The following KCNQ2 variants were observed in gnomAD, a reference collection of about 807,000 sequenced individuals.
The protein encoded by KCNQ2 is potassium voltage-gated channel subfamily Q member 2, also known as potassium voltage-gated channel subfamily KQT member 2.
KCNQ2 carries 14 observed loss-of-function variants against 84.8 expected under a neutral mutation model. The ratio of observed to expected loss-of-function variants is 0.17; its 90% CI spans 0.11 to 0.26. The LOEUF is 0.26. Among genes scored for constraint, KCNQ2 ranks in the 10% least tolerant of loss-of-function variants. The pLI, the probability that KCNQ2 is intolerant of heterozygous loss-of-function variation, is 1.00. For missense variants in KCNQ2, 788 were observed against 1,254.0 expected (o/e 0.63, Z 5.61); for synonymous variants, 599 against 554.1 (o/e 1.08, Z -1.14).
In KCNQ2 at chr20:63,406,710, G is replaced by T; in HGVS notation, c.2553C>A (p.Pro851=). 6.2e-7 allele frequency: 1 copy of T among 1,604,294 alleles called. No homozygotes were observed. Residue 851 remains proline, a synonymous_variant, in exon 17 of 17, where the codon CCC becomes CCA. Coordinates refer to ENST00000359125, the MANE Select transcript of KCNQ2 (RefSeq NM_172107.4). ...CCTCGCCGGTGGCCGAGCGTGGCGGGGGCCCGCACGGGGTACAGAGGTCGG... is the reference window on the plus strand; with the variant it reads ...CCTCGCCGGTGGCCGAGCGTGGCGGTGGCCCGCACGGGGTACAGAGGTCGG... ...TDSDLCTPCG[P]PPRSATGEGP...
chr20:63,439,183 G>A (rs1172127810), intron 6 of KCNQ2, among the ~76,000 whole-genome samples: 1 of 152,210 alleles, frequency 6.6e-6, no homozygotes, highest in Non-Finnish European at 1.5e-5. Flanking sequence ...GCCCTGCCCT[G>A]GGGCAACAAG....
intron 9 of KCNQ2, 28 bp downstream of exon 9, chr20:63,431,312 A>C (rs763795702): frequency 1.2e-6 from 2 of 1,613,216 alleles, no homozygotes; most frequent in South Asian, 2.2e-5. Flanking sequence ...ACACACACAC[A>C]CAGGGCTTCT....
intron 4 of KCNQ2, among the ~76,000 whole-genome samples, chr20:63,443,379 TCATCACCACCACCATCACCATCACCAC>T (rs2081307186): frequency 5.8e-5 from 1 of 17,222 alleles, no homozygotes. Context: ...ATCACCACCA[TCATCACCACCACCATCACCATCACCAC>T]CATCACCATC....
At chr20:63,417,300 C>T (rs1211132861) in intron 12 of KCNQ2, among the ~76,000 whole-genome samples, 1 of 152,232 alleles carries the variant, frequency 6.6e-6, no homozygotes, top group African/African-American at 2.4e-5. Context: ...TCTTTCTCCA[C>T]CGCACGAGCC....
At chr20:63,459,313 C>T (rs933884236) in intron 1 of KCNQ2, among the ~76,000 whole-genome samples, 4 of 152,168 alleles carry the variant, frequency 2.6e-5, no homozygotes, top group Non-Finnish European at 5.9e-5. Flanking sequence ...CCTAGGAGTT[C>T]GAGACCAGCC....
chr20:63,431,197 A>C (rs976576953), intron 9 of KCNQ2, 143 bp downstream of exon 9: 1 of 967,286 alleles, frequency 1.0e-6, no homozygotes, highest in Non-Finnish European at 1.7e-6. Flanking sequence ...GGCAGGGGGC[A>C]TAGGGATGCT....
intron 10 of KCNQ2, chr20:63,424,523 A>C: frequency 5.0e-6 from 2 of 396,170 alleles, no homozygotes; most frequent in Admixed American, 4.1e-5. Context: ...CCACACCAAT[A>C]TTAATAAAGT....
chr20:63,471,519 C>G (rs1012590426), intron 1 of KCNQ2, among the ~76,000 whole-genome samples: 1 of 151,952 alleles, frequency 6.6e-6, no homozygotes, highest in Admixed American at 6.6e-5. Flanking sequence ...CGGGGGCGGC[C>G]GGCGGCTGCA....
chr20:63,450,171 C>T (rs1568952046), intron 1 of KCNQ2, among the ~76,000 whole-genome samples: 1 of 151,198 alleles, frequency 6.6e-6, no homozygotes, highest in Non-Finnish European at 1.5e-5. Flanking sequence ...CACCACTCCT[C>T]CCCCACCCCT....
chr20:63,424,734 C>T (rs901199874), intron 10 of KCNQ2, among the ~76,000 whole-genome samples: 1 of 152,356 alleles, frequency 6.6e-6, no homozygotes, highest in Admixed American at 6.5e-5. Flanking sequence ...CCAACTGTCC[C>T]GGCCTCGTCC....
chr20:63,437,326 C>CT (rs1407589362), intron 7 of KCNQ2: 2 of 152,252 alleles, frequency 1.3e-5, no homozygotes, highest in Non-Finnish European at 2.9e-5. Flanking sequence ...CTTTTCACCA[C>CT]ACGTACGTGG....
intron 4 of KCNQ2, among the ~76,000 whole-genome samples, chr20:63,443,241 ACCATCACATCACCATCG>A (rs2081289979): frequency 2.2e-5 from 1 of 44,722 alleles, no homozygotes; most frequent in Non-Finnish European, 4.5e-5. Flanking sequence ...CACCATCACC[ACCATCACATCACCATCG>A]CCACCATCAT....
chr20:63,433,715 A>T (rs1427844983), intron 8 of KCNQ2, 94 bp downstream of exon 8: 2 of 1,604,216 alleles, frequency 1.2e-6, no homozygotes, highest in Non-Finnish European at 1.7e-6. Flanking sequence ...AAAAAAATCA[A>T]TCAAAATAAT....
At position 63,414,801 on chromosome 20, in the gene KCNQ2, G is replaced by A; in HGVS notation, c.1525+102C>T. 1.8e-6 allele frequency: 2 copies of A among 1,132,782 alleles called. No homozygotes were observed. Among genetic ancestry groups the A allele is most frequent in the South Asian group, 2.5e-5 (2 of 81,236 alleles). 70.2% of individuals were successfully genotyped at this position (1,132,782 alleles called of 1,614,324 possible). ...AGGATAGGGGGTTCCCACTCCAAGA[G>A]CAAGCAAAAGCAGCTGCGACGCCAC... On this transcript the variant is annotated intron_variant, in intron 13 of 16. Transcript: ENST00000359125. The surrounding 1 kb of genome is among the most constrained non-coding windows in gnomAD (Gnocchi z 6.6).
chr20:63,442,866 CCAT>C (rs1568934890), intron 4 of KCNQ2, among the ~76,000 whole-genome samples: 2 of 53,488 alleles, frequency 3.7e-5, no homozygotes, highest in South Asian at 6.7e-4. Context: ...ACCACCATCA[CCAT>C]CACCATTATC....
chr20:63,441,213 C>T (rs1314610720), intron 5 of KCNQ2, among the ~76,000 whole-genome samples: 1 of 149,118 alleles, frequency 6.7e-6, no homozygotes, highest in Non-Finnish European at 1.5e-5. Flanking sequence ...GGCGGGGTTC[C>T]CCCCACACTG....
chr20:63,422,927 C>T (rs1449814763), intron 11 of KCNQ2, among the ~76,000 whole-genome samples: 1 of 152,142 alleles, frequency 6.6e-6, no homozygotes, highest in Non-Finnish European at 1.5e-5. Flanking sequence ...GGGACAGCAC[C>T]GAGGTTCCGC....
At position 63,409,434 on chromosome 20, in the gene KCNQ2, T is replaced by G. The variant is rs2080047052; in HGVS notation, c.1764-898A>C. Among the ~76,000 whole-genome samples the G allele has an allele frequency of 2.0e-5, 3 of 152,374 alleles. No homozygotes were observed. The South Asian group carries it at 6.2e-4, about 32-fold the overall frequency. ...CTTTGCCCTCAGGGACGGGGGCTTC[T>G]GACCAGTCTGGTATCCACAGAGTCA... On this transcript the variant is annotated intron_variant, in intron 15 of 16. Transcript: ENST00000359125.
intron 1 of KCNQ2, among the ~76,000 whole-genome samples, chr20:63,452,820 G>A (rs976814296): frequency 9.9e-5 from 15 of 152,154 alleles, no homozygotes; most frequent in Admixed American, 8.5e-4. Flanking sequence ...AGGCCCCACC[G>A]GGACCCTCCT....
Sources: gnomAD v4.1 joint callset for allele counts (sites outside exome capture counted in the v4.1 genomes callset) on GRCh38, gnomAD v4.1.1 for gene constraint, Gnocchi (gnomAD v3.1) non-coding constraint, MANE v1.5 for transcripts, NCBI Gene and HGNC (gene_info 2026-07-23, HGNC 2026-07-21) for gene names.